ST7: variants seen among roughly 807,000 people sequenced by gnomAD.
ST7 encodes suppression of tumorigenicity 7.
In ST7, 28 loss-of-function variants were observed where a neutral mutation model predicts 78.7. The observed-to-expected ratio is 0.36, with a 90% CI of 0.26 to 0.49. The LOEUF (loss-of-function observed/expected upper bound fraction) is 0.49, where lower values mean the gene tolerates loss of function less well. Among genes scored for constraint, ST7 ranks in the 20% least tolerant of loss-of-function variants. ST7 has a pLI of 0.99. For missense variants in ST7, 418 were observed against 696.0 expected, an observed-to-expected ratio of 0.60 and a Z score of 4.49; for synonymous variants, 247 against 249.6, an observed-to-expected ratio of 0.99 and a Z score of 0.10.
At chr7:117,161,160 G>A (rs1335591773) in intron 9 of ST7, among the ~76,000 whole-genome samples, 3 of 151,242 alleles carry the variant, frequency 2.0e-5, no homozygotes, top group Non-Finnish European at 4.4e-5. Context: ...ACCCCTGAAG[G>A]GAAGAAATAA....
intron 1 of ST7, among the ~76,000 whole-genome samples, chr7:116,981,523 A>G (rs979831828): frequency 6.6e-6 from 1 of 152,150 alleles, no homozygotes; most frequent in African/African-American, 2.4e-5. Flanking sequence ...TGGTCCCATT[A>G]TTGATTATTC....
chr7:116,974,292 C>CT (rs888429847), intron 1 of ST7, among the ~76,000 whole-genome samples: 422 of 143,894 alleles, frequency 2.9e-3, no homozygotes, highest in Middle Eastern at 7.2e-3. Context: ...CTTTTCTTTT[C>CT]TTTTTTTTTT....
intron 1 of ST7, among the ~76,000 whole-genome samples, chr7:117,011,934 A>T (rs923962110): frequency 3.9e-5 from 6 of 152,148 alleles, no homozygotes; most frequent in Non-Finnish European, 7.3e-5. Context: ...CTTTGAATTT[A>T]TAGTCAGTGT....
chr7:117,221,495 A>G (rs746516439), intron 14 of ST7, among the ~76,000 whole-genome samples: 1 of 152,264 alleles, frequency 6.6e-6, no homozygotes, highest in African/African-American at 2.4e-5. Flanking sequence ...AGGAAAAAAT[A>G]TAGACGGGAT....
At chr7:116,966,535 G>T (rs1362018313) in intron 1 of ST7, among the ~76,000 whole-genome samples, 3 of 152,118 alleles carry the variant, frequency 2.0e-5, no homozygotes, top group African/African-American at 7.2e-5. Context: ...ACAGGCATGA[G>T]CTACTGCGCC....
rs1168697482 is a variant in ST7 at position 117,055,868 on chromosome 7, T to C, written c.152-43894T>C. ...TACATATATATAAAGGCAAATTTAT[T>C]AAGTATTAACTTACACGATCACAAG... On this transcript the variant is annotated intron_variant, in intron 1 of 15. Transcript: ENST00000323984. 2.6e-5 allele frequency among the ~76,000 whole-genome samples: 4 copies of C among 152,186 alleles called. No homozygotes were observed. The South Asian group carries it at 8.3e-4, about 31-fold the overall frequency.
chr7:117,156,725 A>C (rs1334254264), intron 9 of ST7, among the ~76,000 whole-genome samples: 2 of 152,190 alleles, frequency 1.3e-5, no homozygotes, highest in African/African-American at 4.8e-5. Flanking sequence ...GTGTGTTAAC[A>C]TGGGGGCTTA....
intron 12 of ST7, among the ~76,000 whole-genome samples, chr7:117,197,909 C>G (rs191207869): frequency 2.0e-4 from 31 of 152,130 alleles, no homozygotes; most frequent in Admixed American, 2.0e-3. Context: ...GTAGTGAGAC[C>G]TAATCTCCAC....
At chr7:117,048,780 G>A (rs944803630) in intron 1 of ST7, among the ~76,000 whole-genome samples, 13 of 152,130 alleles carry the variant, frequency 8.5e-5, no homozygotes, top group Non-Finnish European at 2.9e-5. Context: ...ATCTTCAATG[G>A]TATAATCCTT....
chr7:116,982,408 G>C (rs1316485364), intron 1 of ST7, among the ~76,000 whole-genome samples: 1 of 152,044 alleles, frequency 6.6e-6, no homozygotes, highest in Admixed American at 6.6e-5. Context: ...ATTTTTAGTG[G>C]AGATGGGGTT....
intron 1 of ST7, among the ~76,000 whole-genome samples, chr7:117,036,469 C>T (rs575272476): frequency 1.7e-4 from 26 of 152,284 alleles, no homozygotes; most frequent in Non-Finnish European, 3.4e-4. Flanking sequence ...ATTTAGCTGA[C>T]TGGGCTTTTA....
intron 1 of ST7, among the ~76,000 whole-genome samples, chr7:117,039,992 C>T (rs1249095906): frequency 6.6e-6 from 1 of 152,190 alleles, no homozygotes; most frequent in Non-Finnish European, 1.5e-5. Flanking sequence ...GAAAACAGTT[C>T]ATTGTAAGAA....
At chr7:117,217,294 A>C (rs893827000) in intron 13 of ST7, among the ~76,000 whole-genome samples, 44 of 151,858 alleles carry the variant, frequency 2.9e-4, no homozygotes, top group Non-Finnish European at 4.7e-4. Flanking sequence ...TTGGGAAAAA[A>C]AAAAACAAAA....
chr7:116,996,544 G>C (rs1018218892), intron 1 of ST7, among the ~76,000 whole-genome samples: 2 of 152,174 alleles, frequency 1.3e-5, no homozygotes, highest in African/African-American at 4.8e-5. Flanking sequence ...TATCAGGCTT[G>C]CTTAGGTGGC....
intron 1 of ST7, chr7:116,954,977 C>A: frequency 2.9e-6 from 1 of 346,796 alleles, no homozygotes; most frequent in Non-Finnish European, 5.9e-6. Flanking sequence ...TTTGTAGTAT[C>A]CCTCGGGATC....
chr7:117,170,417 G>A (rs1807899317), intron 9 of ST7, among the ~76,000 whole-genome samples: 1 of 152,016 alleles, frequency 6.6e-6, no homozygotes, highest in East Asian at 1.9e-4. Flanking sequence ...TTAAAAATAC[G>A]AAATGCTGTA....
At position 117,090,475 on chromosome 7, in the gene ST7, T is replaced by C. The variant is rs574181726; in HGVS notation, c.152-9287T>C. On this transcript the variant is annotated intron_variant, in intron 1 of 15. Coordinates refer to ENST00000323984, the MANE Select transcript of ST7 (RefSeq NM_001369598.1). The stretch of plus-strand genomic sequence containing the variant: ...GTGCTGGGTGCTCTGTGTTGGCTGA[T>C]GGAGGATTGAGACACAGTGTGTGTG... 4.6e-5 allele frequency among the ~76,000 whole-genome samples: 7 copies of C among 152,294 alleles called. No homozygotes were observed. The East Asian group carries it at 9.6e-4, about 21-fold the overall frequency.
At position 117,097,908 on chromosome 7, in the gene ST7, A is replaced by ATTTTTTTTTT. The variant is rs751549285; in HGVS notation, c.152-1843_152-1834dup. Among the ~76,000 whole-genome samples the ATTTTTTTTTT allele has an allele frequency of 9.3e-4, 28 of 30,002 alleles. 2 individuals are homozygous for ATTTTTTTTTT. The highest frequency in any genetic ancestry group is 1.9e-3 in the South Asian group (1 of 532). 19.7% of individuals were successfully genotyped at this position (30,002 alleles called of 152,430 possible). On this transcript the variant is annotated intron_variant, in intron 1 of 15. Coordinates refer to ENST00000323984, the MANE Select transcript of ST7 (RefSeq NM_001369598.1). ...TATATATATATATATATATATATAT[A>ATTTTTTTTTT]TTTTTTTTTTTTTTTTTTTTGATGG...
chr7:117,225,221 T>C (rs983404997), intron 15 of ST7, among the ~76,000 whole-genome samples: 25 of 152,168 alleles, frequency 1.6e-4, no homozygotes, highest in African/African-American at 5.8e-4. Context: ...GGGACAGGAC[T>C]CAACTCGCCT....
Sources: allele counts gnomAD v4.1 joint callset (sites outside exome capture counted in the v4.1 genomes callset), GRCh38; gene constraint gnomAD v4.1.1; transcripts MANE v1.5; gene names NCBI Gene and HGNC (gene_info 2026-07-23, HGNC 2026-07-21).